TAGLN3: variants seen among roughly 807,000 people sequenced by gnomAD.
TAGLN3 encodes the protein transgelin-3.
A neutral mutation model predicts 25.4 loss-of-function variants in TAGLN3; 12 were observed. That is an observed-to-expected ratio of 0.47 (90% confidence interval 0.30 to 0.77). TAGLN3 has a LOEUF of 0.77. TAGLN3 is among the 30% of genes least tolerant of loss of function. The probability of loss-of-function intolerance (pLI) is 0.06; values close to 1 mark genes in which losing one functional copy is unlikely to be tolerated. For missense variants in TAGLN3, 218 were observed against 255.8 expected, an observed-to-expected ratio of 0.85 and a Z score of 1.01; for synonymous variants, 96 against 94.8, an observed-to-expected ratio of 1.01 and a Z score of -0.08.
At position 112,011,851 on chromosome 3, in the gene TAGLN3, AT is replaced by A; in HGVS notation, c.445del (p.Ser149ProfsTer25). 6.2e-7 allele frequency: 1 copy of A among 1,613,878 alleles called. No homozygotes were observed. Among genetic ancestry groups the A allele is most frequent in the Non-Finnish European group, 8.5e-7 (1 of 1,179,884 alleles). ...ATGATGGCTGCTATCGGGGAGAGCC[AT>A]CCTGGTTTCACAGGTAAAAGCCTCT... ...KDDGCYRGEPSWFHRKAQQNR... is the reference protein window; with the variant it reads ...KDDGCYRGEPXWFHRKAQQNR... On this transcript the variant is annotated frameshift_variant, in exon 4 of 5. Transcript: ENST00000478951. LOFTEE classifies it high-confidence loss of function.
intron 3 of TAGLN3, among the ~76,000 whole-genome samples, chr3:112,006,010 C>T (rs774076563): frequency 2.0e-5 from 3 of 152,014 alleles, no homozygotes; most frequent in South Asian, 2.1e-4. Context: ...CCGCCCACCT[C>T]GGCCTCCCAA....
In TAGLN3 at chr3:112,011,766, A is replaced by G; in HGVS notation, c.359A>G (p.Lys120Arg). 6.2e-7 allele frequency: 1 copy of G among 1,611,028 alleles called. No homozygotes were observed. Among genetic ancestry groups the G allele is most frequent in the Non-Finnish European group, 8.5e-7 (1 of 1,178,478 alleles). The change falls in exon 4 of 5, where the codon AAG becomes AGG. Residue 120 changes from lysine (K) to arginine (R), a missense_variant. Coordinates refer to ENST00000478951, the MANE Select transcript of TAGLN3 (RefSeq NM_001008272.2). Reference sequence around the variant, plus strand: ...TAAGCTCTTTGTTGGCTTCCAGGGAAGGACATGGCAGCTGTGCAGAGGACC... The same window carrying G: ...TAAGCTCTTTGTTGGCTTCCAGGGAGGGACATGGCAGCTGTGCAGAGGACC... The part of the protein sequence containing the change: ...IFQTVDLWEG[K>R]DMAAVQRTLM...
chr3:112,013,704 C>A lies in TAGLN3; in HGVS notation c.*153C>A. The A allele has an allele frequency of 8.6e-7, 1 of 1,160,530 alleles. No homozygotes were observed. The highest frequency in any genetic ancestry group is 1.3e-6 in the Non-Finnish European group (1 of 794,348). 71.9% of individuals were successfully genotyped at this position (1,160,530 alleles called of 1,614,324 possible). A position where few individuals can be genotyped will look rare whatever the true frequency, so the allele number is the denominator to read the frequency against. The stretch of plus-strand genomic sequence containing the variant: ...GTGCTGCATTTCCGCCGAGAATCCG[C>A]GTTGCCTACTGCTGCCACCTCCTGT... On this transcript the variant is annotated 3_prime_UTR_variant, in exon 5 of 5. Transcript: ENST00000478951.
chr3:112,009,664 T>C (rs2072954373), intron 3 of TAGLN3, among the ~76,000 whole-genome samples: 1 of 152,206 alleles, frequency 6.6e-6, no homozygotes, highest in Non-Finnish European at 1.5e-5. Context: ...CGTCCACACA[T>C]GAGGAGGAAT....
intron 1 of TAGLN3, 139 bp from the exon 2 acceptor site, chr3:111,999,282 A>T: frequency 2.0e-6 from 2 of 976,496 alleles, no homozygotes; most frequent in Non-Finnish European, 2.9e-6. Flanking sequence ...TCCTTGATTT[A>T]AACCACGCCC....
chr3:112,001,767 T>C (rs772711881), intron 3 of TAGLN3, among the ~76,000 whole-genome samples: 2 of 152,212 alleles, frequency 1.3e-5, no homozygotes, highest in African/African-American at 4.8e-5. Context: ...TGGCTGTCAT[T>C]AGTGGCCCAA....
chr3:112,004,392 C>T (rs112265301), intron 3 of TAGLN3, among the ~76,000 whole-genome samples: 16 of 141,916 alleles, frequency 1.1e-4, no homozygotes, highest in Admixed American at 2.8e-4. Flanking sequence ...AGGTGGGGGG[C>T]GGGGGGTGTG....
intron 4 of TAGLN3, 82 bp downstream of exon 4, chr3:112,011,947 G>T (rs1559944375): frequency 5.4e-6 from 7 of 1,303,942 alleles, no homozygotes; most frequent in Non-Finnish European, 7.4e-6. Flanking sequence ...CTCTACAGAG[G>T]CTTTATGTGC....
At chr3:111,999,364 G>A in intron 1 of TAGLN3, 57 bp from the exon 2 acceptor site, 5 of 1,579,340 alleles carry the variant, frequency 3.2e-6, no homozygotes, top group South Asian at 1.2e-5. Context: ...GCAGGGAGCC[G>A]GAGGCTGCTG....
intron 3 of TAGLN3, 40 bp from the exon 4 acceptor site, chr3:112,011,723 C>A: frequency 6.3e-7 from 1 of 1,581,500 alleles, no homozygotes; most frequent in Non-Finnish European, 8.6e-7. Context: ...TTCCTTGGCT[C>A]TGACACGTGC....
chr3:112,009,123 C>G (rs1186620556), intron 3 of TAGLN3, among the ~76,000 whole-genome samples: 2 of 152,176 alleles, frequency 1.3e-5, no homozygotes, highest in Non-Finnish European at 2.9e-5. Context: ...CAGCACCAAG[C>G]CATTCATGAG....
chr3:111,999,314 C>G, intron 1 of TAGLN3, 107 bp from the exon 2 acceptor site: 1 of 1,311,210 alleles, frequency 7.6e-7, no homozygotes, highest in Non-Finnish European at 1.0e-6. Context: ...CTCTTTGCTG[C>G]TGCTGGGCCA....
chr3:112,008,305 T>C (rs1263721760), intron 3 of TAGLN3, among the ~76,000 whole-genome samples: 1 of 152,194 alleles, frequency 6.6e-6, no homozygotes, highest in Non-Finnish European at 1.5e-5. Flanking sequence ...TGTTTATAAA[T>C]TTATTTCATT....
chr3:112,005,924 A>AT (rs1314256060), intron 3 of TAGLN3, among the ~76,000 whole-genome samples: 38 of 147,176 alleles, frequency 2.6e-4, no homozygotes, highest in South Asian at 6.5e-4. Flanking sequence ...GGATGGTCCA[A>AT]TTTTTTTTTT....
At chr3:112,005,867 A>AT (rs1383678276) in intron 3 of TAGLN3, among the ~76,000 whole-genome samples, 242 of 148,316 alleles carry the variant, frequency 1.6e-3, no homozygotes, top group African/African-American at 5.4e-3. Flanking sequence ...CGCCCGGCTA[A>AT]TTTTTTTTTT....
chr3:112,009,031 A>G (rs2072948466), intron 3 of TAGLN3, among the ~76,000 whole-genome samples: 1 of 152,126 alleles, frequency 6.6e-6, no homozygotes, highest in Admixed American at 6.5e-5. Context: ...GGAGCAAGAG[A>G]CAGAAAGTAA....
At chr3:112,003,073 G>T (rs1191214116) in intron 3 of TAGLN3, among the ~76,000 whole-genome samples, 2 of 152,138 alleles carry the variant, frequency 1.3e-5, no homozygotes, top group Non-Finnish European at 2.9e-5. Flanking sequence ...CCACTCCAAG[G>T]GCACCTGGGC....
intron 3 of TAGLN3, among the ~76,000 whole-genome samples, chr3:112,001,885 G>A (rs1287387440): frequency 6.6e-6 from 1 of 152,212 alleles, no homozygotes; most frequent in Non-Finnish European, 1.5e-5. Flanking sequence ...TTCAGATGAT[G>A]GTTGAAATAG....
chr3:112,002,780 A>G (rs1576077060), intron 3 of TAGLN3, among the ~76,000 whole-genome samples: 1 of 152,168 alleles, frequency 6.6e-6, no homozygotes, highest in East Asian at 1.9e-4. Flanking sequence ...CCCTTTTTAC[A>G]AAGAACACAA....
Sources: gnomAD v4.1 joint callset for allele counts (sites outside exome capture counted in the v4.1 genomes callset) on GRCh38, gnomAD v4.1.1 for gene constraint, MANE v1.5 for transcripts, NCBI Gene and HGNC (gene_info 2026-07-23, HGNC 2026-07-21) for gene names.